MYO10: variants seen among roughly 807,000 people sequenced by gnomAD.
MYO10 encodes myosin X, also known as unconventional myosin-X.
MYO10 carries 133 observed loss-of-function variants against 257.3 expected under a neutral mutation model. The ratio of observed to expected loss-of-function variants is 0.52; its 90% CI spans 0.45 to 0.60. The LOEUF is 0.60. MYO10 is among the 20% of genes least tolerant of loss of function. The pLI is 0.00. For synonymous variants in MYO10, 1,104 were observed against 1,028.6 expected (o/e 1.07, Z -1.40); for missense variants, 2,399 against 2,635.7 (o/e 0.91, Z 1.97).
intron 4 of MYO10, among the ~76,000 whole-genome samples, chr5:16,789,419 G>T (rs995132405): frequency 2.0e-5 from 3 of 152,118 alleles, no homozygotes; most frequent in Non-Finnish European, 2.9e-5. Context: ...CTTCTCTACT[G>T]CCTAAAAGAT....
At chr5:16,842,421 G>A (rs1042336459) in intron 2 of MYO10, among the ~76,000 whole-genome samples, 2 of 152,148 alleles carry the variant, frequency 1.3e-5, no homozygotes, top group African/African-American at 4.8e-5. Context: ...GCTCCAGGCA[G>A]AGGGAGCCCA....
intron 2 of MYO10, among the ~76,000 whole-genome samples, chr5:16,869,090 T>C (rs184150655): frequency 3.4e-4 from 52 of 152,204 alleles, no homozygotes; most frequent in Admixed American, 5.2e-4. Flanking sequence ...AGTGGCGCCA[T>C]TGCGGCTCAC....
At chr5:16,825,394 T>G (rs532751185) in intron 2 of MYO10, among the ~76,000 whole-genome samples, 1 of 152,322 alleles carries the variant, frequency 6.6e-6, no homozygotes, top group South Asian at 2.1e-4. Context: ...TCAGGATCTT[T>G]CACACTCTTC....
At position 16,661,931 on chromosome 5, in the gene MYO10, C is replaced by CA. The variant is rs1366659526; in HGVS notation, c.*4760dup. 2 of 152,110 alleles carry CA rather than the reference C, an allele frequency of 1.3e-5. No individual in the cohort carries two copies. The highest frequency in any genetic ancestry group is 6.6e-5 in the Admixed American group (1 of 15,262). 9.4% of individuals were successfully genotyped at this position (152,110 alleles called of 1,614,324 possible). Reference sequence around the variant, plus strand: ...ATCTGTTTCAATAAAACTTTATTCACAAAAACAGGTGGCAGGGTAGATTTG... The same window carrying CA: ...ATCTGTTTCAATAAAACTTTATTCACAAAAAACAGGTGGCAGGGTAGATTTG... On this transcript the variant is annotated 3_prime_UTR_variant, in exon 41 of 41. Coordinates refer to ENST00000513610, the MANE Select transcript of MYO10 (RefSeq NM_012334.3).
chr5:16,766,152 G>A lies in MYO10; in HGVS notation c.1107C>T (p.Leu369=). 1 of 1,613,910 alleles carries A rather than the reference G, an allele frequency of 6.2e-7. No homozygotes were observed. Among genetic ancestry groups the A allele is most frequent in the Non-Finnish European group, 8.5e-7 (1 of 1,179,850 alleles). The change falls in exon 11 of 41, where the codon CTC becomes CTT. Residue 369 remains leucine, a synonymous_variant. Coordinates refer to ENST00000513610, the MANE Select transcript of MYO10 (RefSeq NM_012334.3). ...AELLGLDPTQ[L]TDALTQRSMF... ...TTGATCTCTGGGTCAAAGCATCTGT[G>A]AGCTGTGTTGGGTCCAGCCCAAGTA...
chr5:16,869,747 C>A (rs1435228874), intron 2 of MYO10, among the ~76,000 whole-genome samples: 6 of 151,218 alleles, frequency 4.0e-5, no homozygotes, highest in African/African-American at 1.5e-4. Context: ...TGCCTCTAAT[C>A]CCAGCTACGT....
chr5:16,934,233 G>A (rs183039391), intron 1 of MYO10, among the ~76,000 whole-genome samples: 3 of 152,370 alleles, frequency 2.0e-5, no homozygotes, highest in Admixed American at 6.5e-5. Context: ...ACTTGCACTA[G>A]GGGGCAGAGT....
At chr5:16,909,979 G>T (rs1745618119) in intron 1 of MYO10, among the ~76,000 whole-genome samples, 1 of 152,200 alleles carries the variant, frequency 6.6e-6, no homozygotes, top group South Asian at 2.1e-4. Context: ...GCTTCCTGAG[G>T]CCTCACCAGA....
intron 2 of MYO10, among the ~76,000 whole-genome samples, chr5:16,866,734 C>A (rs912261610): frequency 2.0e-5 from 3 of 152,176 alleles, no homozygotes; most frequent in African/African-American, 7.2e-5. Flanking sequence ...TCCAGGCCAG[C>A]TGACTGAAAA....
intron 19 of MYO10, among the ~76,000 whole-genome samples, chr5:16,746,201 T>A (rs980819566): frequency 6.6e-6 from 1 of 152,182 alleles, no homozygotes; most frequent in Non-Finnish European, 1.5e-5. Flanking sequence ...TTGTAAACTG[T>A]CACGGTGCTG....
At chr5:16,748,724 A>G (rs1370185162) in intron 19 of MYO10, among the ~76,000 whole-genome samples, 2 of 152,050 alleles carry the variant, frequency 1.3e-5, no homozygotes, top group African/African-American at 4.8e-5. Flanking sequence ...TCATTCATCA[A>G]ATTATTACAC....
intron 2 of MYO10, among the ~76,000 whole-genome samples, chr5:16,835,770 A>C (rs31503): frequency 0.21 from 30,981 of 150,628 alleles, 3,157 homozygotes; most frequent in East Asian, 0.25. Context: ...GAAAGACCCC[A>C]AAAAAAAGTA....
At chr5:16,727,190 AAAC>A (rs1176077699) in intron 19 of MYO10, among the ~76,000 whole-genome samples, 1 of 152,252 alleles carries the variant, frequency 6.6e-6, no homozygotes, top group Admixed American at 6.5e-5. Context: ...TTCACAAAAA[AAAC>A]AATTTTTTTT....
chr5:16,926,464 G>A (rs1418018998), intron 1 of MYO10, among the ~76,000 whole-genome samples: 1 of 152,134 alleles, frequency 6.6e-6, no homozygotes, highest in African/African-American at 2.4e-5. Context: ...AACTTCCGGA[G>A]GCCAAGGCTA....
intron 2 of MYO10, among the ~76,000 whole-genome samples, chr5:16,853,214 CA>C (rs547684334): frequency 7.4e-5 from 11 of 148,372 alleles, no homozygotes; most frequent in South Asian, 2.2e-4. Flanking sequence ...ACTGAAAATA[CA>C]AAAAAAAAAT....
At chr5:16,836,532 A>G (rs987334793) in intron 2 of MYO10, among the ~76,000 whole-genome samples, 1 of 152,198 alleles carries the variant, frequency 6.6e-6, no homozygotes, top group Admixed American at 6.5e-5. Context: ...ATGGAAACTG[A>G]TGAAAATATG....
At chr5:16,697,984 T>C (rs2126540104) in intron 26 of MYO10, among the ~76,000 whole-genome samples, 2 of 152,330 alleles carry the variant, frequency 1.3e-5, no homozygotes, top group Non-Finnish European at 2.9e-5. Context: ...AAATTGGTGA[T>C]GATTATGGTT....
chr5:16,906,954 A>C lies in MYO10; in HGVS notation c.21+28834T>G, dbSNP rs543742718. ...CGATGAAACCCCGTCTCTACTAAAA[A>C]TACAAAAAAATTAGCCAGGCATGAT... On this transcript the variant is annotated intron_variant, in intron 1 of 40. Transcript: ENST00000513610. 9.9e-5 allele frequency among the ~76,000 whole-genome samples: 15 copies of C among 152,244 alleles called. No homozygotes were observed. In the East Asian group the frequency reaches 2.9e-3, roughly 29 times the overall value.
rs376058694 is a variant in MYO10 at position 16,709,155 on chromosome 5, A to C, written c.2169+1753T>G. 7.2e-5 allele frequency among the ~76,000 whole-genome samples: 11 copies of C among 152,336 alleles called. No homozygotes were observed. The South Asian group carries it at 1.7e-3, about 23-fold the overall frequency. ...AGAGGATGACCTGGGACAACAGAGG[A>C]GGGGGCTTACCCCAGCTATAGGGTG... On this transcript the variant is annotated intron_variant, in intron 21 of 40. Coordinates refer to ENST00000513610, the MANE Select transcript of MYO10 (RefSeq NM_012334.3).
Sources: allele counts gnomAD v4.1 joint callset (sites outside exome capture counted in the v4.1 genomes callset), GRCh38; gene constraint gnomAD v4.1.1; transcripts MANE v1.5; gene names NCBI Gene and HGNC (gene_info 2026-07-23, HGNC 2026-07-21).